The following OR4K1 variants were observed in gnomAD, a reference collection of about 807,000 sequenced individuals.
OR4K1 encodes the protein olfactory receptor 4K1.
In OR4K1, 16 loss-of-function variants were observed where a neutral mutation model predicts 14.4. The ratio of observed to expected loss-of-function variants is 1.11; its 90% CI spans 0.75 to 1.68. The LOEUF is 1.68. Ranked by LOEUF, OR4K1 falls within the 40% of genes most tolerant of loss-of-function variation. The pLI is 0.00. For synonymous variants in OR4K1, 181 were observed against 133.1 expected (o/e 1.36, Z -2.48); for missense variants, 548 against 376.9 (o/e 1.45, Z -3.76).
chr14:19,924,400 C>CAAAAAAAAAAAAAAAAAAA, the OR4K1 span, among the ~76,000 whole-genome samples: 127 of 79,256 alleles, frequency 1.6e-3, 1 homozygote, highest in Middle Eastern at 6.4e-3. Context: ...AACTCCGTAT[C>CAAAAAAAAAAAAAAAAAAA]AAAAAAAAAA....
At chr14:19,929,575 T>A (rs1261032230), upstream of OR4K1, among the ~76,000 whole-genome samples, 5 of 152,166 alleles carry the variant, frequency 3.3e-5, no homozygotes, top group Admixed American at 3.3e-4. Context: ...TGTAGGCTAT[T>A]TTAATAATGG....
chr14:19,931,523 C>G (rs2138590836), intron 1 of OR4K1, among the ~76,000 whole-genome samples: 1 of 152,332 alleles, frequency 6.6e-6, no homozygotes, highest in African/African-American at 2.4e-5. Flanking sequence ...AAAAGTGTAG[C>G]TATACACAGT....
At chr14:19,933,419 T>C (rs1463728889) in intron 1 of OR4K1, among the ~76,000 whole-genome samples, 2 of 152,220 alleles carry the variant, frequency 1.3e-5, no homozygotes, top group Non-Finnish European at 2.9e-5. Flanking sequence ...GGAATATCTT[T>C]CTTTTTCAAT....
rs1411521304 is a variant in OR4K1 at position 19,933,968 on chromosome 14, C to G, written c.-19-1680C>G. On this transcript the variant is annotated intron_variant, in intron 1 of 1. Coordinates refer to ENST00000641172, the MANE Select transcript of OR4K1 (RefSeq NM_001004063.3). Reference sequence around the variant, plus strand: ...GAAAGTGTAGGATATAGTGCTCCAACATCCAGGTTAAAACTACATAATGAA... The same window carrying G: ...GAAAGTGTAGGATATAGTGCTCCAAGATCCAGGTTAAAACTACATAATGAA... Among the ~76,000 whole-genome samples the G allele has an allele frequency of 2.6e-5, 4 of 152,360 alleles. No homozygotes were observed. In the East Asian group the frequency reaches 7.7e-4, roughly 29 times the overall value.
At chr14:19,928,333 C>A (rs1882105489), upstream of OR4K1, among the ~76,000 whole-genome samples, 1 of 152,102 alleles carries the variant, frequency 6.6e-6, no homozygotes, top group Non-Finnish European at 1.5e-5. Flanking sequence ...TATTGAATGT[C>A]TTGCTTCTAT....
upstream of OR4K1, among the ~76,000 whole-genome samples, chr14:19,925,976 A>G (rs183873349): frequency 2.0e-5 from 3 of 152,378 alleles, no homozygotes; most frequent in Non-Finnish European, 4.4e-5. Flanking sequence ...TGGTCTTTAG[A>G]GGAACATAAA....
At chr14:19,934,708 T>C (rs181987521) in intron 1 of OR4K1, among the ~76,000 whole-genome samples, 13 of 152,312 alleles carry the variant, frequency 8.5e-5, no homozygotes, top group Admixed American at 8.5e-4. Flanking sequence ...TTCACTCTTG[T>C]TGCCCAGGCA....
chr14:19,933,626 T>A (rs1882236089), intron 1 of OR4K1, among the ~76,000 whole-genome samples: 1 of 152,120 alleles, frequency 6.6e-6, no homozygotes, highest in South Asian at 2.1e-4. Flanking sequence ...GGAGTCTCAC[T>A]CCATCACCCA....
In OR4K1 at chr14:19,935,883, C is replaced by T; in HGVS notation, c.217C>T (p.Gln73Ter). ...LSNLSFIDICQSNFATPKMLV... is the reference protein window; with the variant it reads ...LSNLSFIDIC Reference sequence around the variant, plus strand: ...TAATCTTTCTTTCATTGATATCTGTCAGTCTAACTTTGCCACCCCCAAGAT... The same window carrying T: ...TAATCTTTCTTTCATTGATATCTGTTAGTCTAACTTTGCCACCCCCAAGAT... Residue 73 changes from glutamine (Q) to a stop codon, truncating the protein, a stop_gained, in exon 2 of 2, where the codon CAG becomes TAG. Transcript: ENST00000641172. LOFTEE classifies it high-confidence loss of function. 1.2e-6 allele frequency: 2 copies of T among 1,614,224 alleles called. No individual in the cohort carries two copies. The highest frequency in any genetic ancestry group is 1.7e-6 in the Non-Finnish European group (2 of 1,180,036).
chr14:19,925,489 G>A, the OR4K1 span, among the ~76,000 whole-genome samples: 4 of 152,178 alleles, frequency 2.6e-5, no homozygotes, highest in African/African-American at 9.7e-5. Flanking sequence ...CCTTATTAGG[G>A]GATTTGTTTA....
the OR4K1 span, chr14:19,920,679 C>G: frequency 6.2e-7 from 1 of 1,613,954 alleles, no homozygotes; most frequent in East Asian, 2.2e-5. Flanking sequence ...AAAACTCCAG[C>G]TTTTCTATTT....
intron 1 of OR4K1, among the ~76,000 whole-genome samples, chr14:19,931,641 T>G (rs1795095242): frequency 6.6e-6 from 1 of 152,254 alleles, no homozygotes; most frequent in Admixed American, 6.5e-5. Flanking sequence ...TGCTTATGAT[T>G]TCAGAGTTCC....
At chr14:19,922,655 CT>C in the OR4K1 span, among the ~76,000 whole-genome samples, 72 of 147,082 alleles carry the variant, frequency 4.9e-4, no homozygotes, top group Middle Eastern at 3.5e-3. Context: ...TACATGTACT[CT>C]TTTTTTTTTT....
the OR4K1 span, among the ~76,000 whole-genome samples, chr14:19,924,836 A>C: frequency 6.6e-6 from 1 of 152,276 alleles, no homozygotes; most frequent in Admixed American, 6.5e-5. Context: ...AAGAGCAATG[A>C]ATTTCTAATT....
chr14:19,923,281 C>T, the OR4K1 span, among the ~76,000 whole-genome samples: 2 of 152,224 alleles, frequency 1.3e-5, no homozygotes, highest in Non-Finnish European at 2.9e-5. Flanking sequence ...TTTAGCCCTG[C>T]ACCCATATTA....
the OR4K1 span, chr14:19,920,616 T>A: frequency 1.2e-6 from 2 of 1,606,112 alleles, no homozygotes; most frequent in Non-Finnish European, 1.7e-6. Context: ...CATGGATAAG[T>A]CCAATTCTTC....
the OR4K1 span, chr14:19,921,026 A>T: frequency 6.2e-7 from 1 of 1,614,204 alleles, no homozygotes; most frequent in Non-Finnish European, 8.5e-7. Flanking sequence ...GCCGAAGGAC[A>T]TGCACTGTCT....
chr14:19,927,641 G>A (rs910833580), upstream of OR4K1, among the ~76,000 whole-genome samples: 3 of 152,222 alleles, frequency 2.0e-5, no homozygotes, highest in East Asian at 3.9e-4. Context: ...TCTGTTGGCA[G>A]AAGGGAGTCA....
In OR4K1 at chr14:19,936,082, G is replaced by A. The variant is rs750281382; in HGVS notation, c.416G>A (p.Arg139Lys). The change falls in exon 2 of 2, where the codon AGG becomes AAG. Residue 139 changes from arginine (R) to lysine (K), a missense_variant. Coordinates refer to ENST00000641172, the MANE Select transcript of OR4K1 (RefSeq NM_001004063.3). ...PLHYSTIMNR[R>K]LCVIFVSISW... ...CACTACAGTACAATTATGAACCGGA[G>A]GCTCTGTGTAATTTTTGTGTCTATT... 5.0e-6 allele frequency: 8 copies of A among 1,614,088 alleles called. No individual in the cohort carries two copies. The highest frequency in any genetic ancestry group is 1.3e-5 in the African/African-American group (1 of 74,934).
Sources: gnomAD v4.1 joint callset for allele counts (sites outside exome capture counted in the v4.1 genomes callset) on GRCh38, gnomAD v4.1.1 for gene constraint, MANE v1.5 for transcripts, NCBI Gene and HGNC (gene_info 2026-07-23, HGNC 2026-07-21) for gene names.